The following DIP2C variants were observed in gnomAD, a reference collection of about 807,000 sequenced individuals.
DIP2C encodes disco-interacting protein 2 homolog C.
A neutral mutation model predicts 192.4 loss-of-function variants in DIP2C; 33 were observed. That is an observed-to-expected ratio of 0.17 (90% CI 0.13 to 0.23). The LOEUF (loss-of-function observed/expected upper bound fraction) is 0.23, where lower values mean the gene tolerates loss of function less well. DIP2C is among the 10% of genes least tolerant of loss of function. DIP2C has a pLI of 1.00. For synonymous variants in DIP2C, 979 were observed against 864.1 expected (o/e 1.13, Z -2.33); for missense variants, 1,537 against 2,110.1 (o/e 0.73, Z 5.32).
intron 1 of DIP2C, among the ~76,000 whole-genome samples, chr10:513,924 T>C (rs889863254): frequency 2.0e-5 from 3 of 152,192 alleles, no homozygotes; most frequent in African/African-American, 7.2e-5. Flanking sequence ...CACGGCCAAA[T>C]GCCAGGTTGT....
In DIP2C at chr10:343,399, T is replaced by TC. The variant is rs1329299920; in HGVS notation, c.3453+1409dup. Among the ~76,000 whole-genome samples, 4 of 152,246 alleles carry TC rather than the reference T, an allele frequency of 2.6e-5. No homozygotes were observed. The East Asian group carries it at 7.7e-4, about 29-fold the overall frequency. ...AACTGGGGAAATCCAAATGCCTGGC[T>TC]CCCCATCATTCATTCATCACTCCAG... On this transcript the variant is annotated intron_variant, in intron 28 of 36. Transcript: ENST00000280886.
chr10:634,562 C>A (rs993210881), intron 1 of DIP2C, among the ~76,000 whole-genome samples: 2 of 152,088 alleles, frequency 1.3e-5, no homozygotes, highest in Non-Finnish European at 2.9e-5. Flanking sequence ...TGAACAACGT[C>A]CTTAAGAGTG....
At chr10:391,904 C>A (rs929513219) in intron 10 of DIP2C, among the ~76,000 whole-genome samples, 3 of 152,264 alleles carry the variant, frequency 2.0e-5, no homozygotes, top group Admixed American at 2.0e-4. Context: ...AATTTCAAAG[C>A]TGTAGTCTCT....
chr10:367,703 G>A (rs1165899217), intron 18 of DIP2C, among the ~76,000 whole-genome samples: 1 of 152,220 alleles, frequency 6.6e-6, no homozygotes, highest in Non-Finnish European at 1.5e-5. Flanking sequence ...AAACGGGGGG[G>A]CTCAAATAAA....
intron 1 of DIP2C, among the ~76,000 whole-genome samples, chr10:671,427 C>CAGGCCA (rs1476693436): frequency 7.9e-6 from 1 of 126,848 alleles, no homozygotes; most frequent in Non-Finnish European, 1.6e-5. Context: ...ACGGAGGAAA[C>CAGGCCA]GTCACAGACG....
chr10:660,129 T>A (rs1036771982), intron 1 of DIP2C, among the ~76,000 whole-genome samples: 15 of 152,382 alleles, frequency 9.8e-5, no homozygotes, highest in African/African-American at 3.6e-4. Context: ...TTCTAGCCCT[T>A]GTCCCTGTTT....
intron 1 of DIP2C, among the ~76,000 whole-genome samples, chr10:543,478 A>G (rs1213179836): frequency 6.6e-6 from 1 of 152,244 alleles, no homozygotes; most frequent in Non-Finnish European, 1.5e-5. Context: ...CATCTGGGTA[A>G]GAGGAAAGTG....
chr10:440,850 G>T, intron 4 of DIP2C, 21 bp downstream of exon 4: 1 of 1,605,346 alleles, frequency 6.2e-7, no homozygotes. Context: ...AGGAGGCCGT[G>T]TCGGGGAGCG....
intron 1 of DIP2C, among the ~76,000 whole-genome samples, chr10:538,186 C>T (rs1021820663): frequency 7.2e-5 from 11 of 152,312 alleles, no homozygotes; most frequent in African/African-American, 2.4e-4. Flanking sequence ...GGGACAGGGT[C>T]TTGCTCTGTC....
intron 1 of DIP2C, among the ~76,000 whole-genome samples, chr10:513,897 CAGCCTGTCCTGGA>C (rs1384324706): frequency 6.6e-6 from 1 of 152,202 alleles, no homozygotes; most frequent in Non-Finnish European, 1.5e-5. Context: ...ACTCACCATC[CAGCCTGTCCTGGA>C]AGCCACGGCC....
intron 1 of DIP2C, among the ~76,000 whole-genome samples, chr10:579,761 A>C (rs1043623129): frequency 1.7e-4 from 26 of 152,244 alleles, no homozygotes; most frequent in African/African-American, 6.0e-4. Context: ...ATGTATGTAC[A>C]TGCAGAGCAT....
intron 1 of DIP2C, among the ~76,000 whole-genome samples, chr10:580,641 T>C (rs1850581706): frequency 6.6e-6 from 1 of 152,180 alleles, no homozygotes; most frequent in African/African-American, 2.4e-5. Context: ...ATACACCACA[T>C]ACAAGTACAC....
intron 9 of DIP2C, among the ~76,000 whole-genome samples, chr10:405,852 C>T (rs1964764867): frequency 6.6e-6 from 1 of 152,218 alleles, no homozygotes; most frequent in African/African-American, 2.4e-5. Flanking sequence ...CCCTGCTGTC[C>T]AGGCGAAAGG....
chr10:664,466 C>T (rs1381256959), intron 1 of DIP2C: 2 of 152,200 alleles, frequency 1.3e-5, no homozygotes, highest in Non-Finnish European at 2.9e-5. Flanking sequence ...AGGCTTTAAA[C>T]CTCAAACGTC....
intron 35 of DIP2C, chr10:282,134 G>A (rs1954865233): frequency 1.3e-5 from 2 of 155,060 alleles, no homozygotes; most frequent in Admixed American, 6.5e-5. Flanking sequence ...ACAGAGATAA[G>A]TATTTTCTAA....
chr10:614,595 GAC>G (rs1242199360), intron 1 of DIP2C, among the ~76,000 whole-genome samples: 1 of 152,222 alleles, frequency 6.6e-6, no homozygotes, highest in Admixed American at 6.5e-5. Context: ...CTGCTCGGCC[GAC>G]ACAAAGACAA....
intron 29 of DIP2C, among the ~76,000 whole-genome samples, chr10:335,701 G>T (rs1957728467): frequency 6.6e-6 from 1 of 152,214 alleles, no homozygotes. Flanking sequence ...CACCCGCTGT[G>T]TGCTACAGGC....
intron 9 of DIP2C, among the ~76,000 whole-genome samples, chr10:404,176 A>ACATGTG (rs1964632090): frequency 1.3e-5 from 2 of 151,492 alleles, no homozygotes; most frequent in South Asian, 4.2e-4. Flanking sequence ...ATGATTTAGC[A>ACATGTG]CATGTGCATC....
At position 636,932 on chromosome 10, in the gene DIP2C, G is replaced by A. The variant is rs1024095562; in HGVS notation, c.85+52562C>T. On this transcript the variant is annotated intron_variant, in intron 1 of 36. Coordinates refer to ENST00000280886, the MANE Select transcript of DIP2C (RefSeq NM_014974.3). The surrounding 1 kb of genome is among the most constrained non-coding windows in gnomAD (Gnocchi z 4.6). The stretch of plus-strand genomic sequence containing the variant: ...GCGGGAGCTCCTAGTCCTGCTCCCC[G>A]ACGGCATAGCTGCGACCGGCACCAC... Among the ~76,000 whole-genome samples the A allele has an allele frequency of 3.9e-5, 6 of 152,338 alleles. No individual in the cohort carries two copies. Among genetic ancestry groups the A allele is most frequent in the African/African-American group, 1.2e-4 (5 of 41,584 alleles).
Sources: allele counts gnomAD v4.1 joint callset (sites outside exome capture counted in the v4.1 genomes callset), GRCh38; gene constraint gnomAD v4.1.1; non-coding constraint Gnocchi (gnomAD v3.1); transcripts MANE v1.5; gene names NCBI Gene and HGNC (gene_info 2026-07-23, HGNC 2026-07-21).